OR8G1: variants seen among roughly 807,000 people sequenced by gnomAD.
OR8G1 encodes olfactory receptor 8G1.
For missense variants in OR8G1, 372 were observed against 356.2 expected (o/e 1.04, Z -0.36); for synonymous variants, 129 against 133.3 (o/e 0.97, Z 0.22).
chr11:124,241,462 T>C (rs10893184), intron 1 of OR8G1, 98 bp downstream of exon 1: 56,409 of 151,974 alleles, frequency 0.37, 10,687 homozygotes, highest in East Asian at 0.47. Flanking sequence ...TTATCTTTAC[T>C]TATTCAATTA....
chr11:124,243,801 C>T (rs988470699), intron 1 of OR8G1, among the ~76,000 whole-genome samples: 2 of 151,816 alleles, frequency 1.3e-5, no homozygotes, highest in Admixed American at 1.3e-4. Context: ...AGTATTCGAC[C>T]CCTTGTCTCT....
rs10128751 is a variant in OR8G1 at position 124,241,336 on chromosome 11, A to G, written c.-125A>G. On this transcript the variant is annotated 5_prime_UTR_variant, in exon 1 of 3. Coordinates refer to ENST00000641972, the MANE Select transcript of OR8G1 (RefSeq NM_001002905.2). ...GGAAGAGGAAATTGCAAGTAAAATC[A>G]AGCATTGAAGTTTTTAGGCAGTGGA... 77,208 of 151,502 alleles carry G rather than the reference A, an allele frequency of 0.51. 20,244 individuals are homozygous for G. The highest frequency in any genetic ancestry group is 0.7 in the South Asian group (3,363 of 4,818). 9.4% of individuals were successfully genotyped at this position (151,502 alleles called of 1,614,324 possible).
chr11:124,243,380 A>C (rs1412534995), intron 1 of OR8G1, among the ~76,000 whole-genome samples: 2 of 152,026 alleles, frequency 1.3e-5, no homozygotes, highest in Non-Finnish European at 2.9e-5. Flanking sequence ...ATGAGGACAC[A>C]TAAATAATAG....
chr11:124,250,296 C>A lies in OR8G1; in HGVS notation c.621C>A (p.Ile207=), dbSNP rs889991802. The A allele has an allele frequency of 2.5e-6, 4 of 1,613,790 alleles. No individual in the cohort carries two copies. The highest frequency in any genetic ancestry group is 1.7e-6 in the Non-Finnish European group (2 of 1,179,826). ...TTCTATGTGTTGGTGCATTTAACAT[C>A]CTTGTCCCCAGCCTGACCATCCTTT... ...LLILCVGAFN[I]LVPSLTILCS... Residue 207 remains isoleucine, a synonymous_variant, in exon 3 of 3, where the codon ATC becomes ATA. Coordinates refer to ENST00000641972, the MANE Select transcript of OR8G1 (RefSeq NM_001002905.2).
chr11:124,250,152 T>C lies in OR8G1; in HGVS notation c.477T>C (p.His159=). ...YIIGLVCASV[H]TGCMFRVQFC... The stretch of plus-strand genomic sequence containing the variant: ...TAGGCCTGGTTTGTGCATCAGTTCA[T>C]ACAGGCTGTATGTTTAGGGTTCAAT... The change falls in exon 3 of 3, where the codon CAT becomes CAC. Residue 159 remains histidine (H), a synonymous_variant. Coordinates refer to ENST00000641972, the MANE Select transcript of OR8G1 (RefSeq NM_001002905.2). 1.2e-6 allele frequency: 2 copies of C among 1,613,870 alleles called. No homozygotes were observed. Among genetic ancestry groups the C allele is most frequent in the South Asian group, 1.1e-5 (1 of 91,084 alleles).
At position 124,252,494 on chromosome 11, in the gene OR8G1, ATC is replaced by A. The variant is rs892126417; in HGVS notation, c.*1887_*1888del. 1 of 152,076 alleles carries A rather than the reference ATC, an allele frequency of 6.6e-6. No individual in the cohort carries two copies. The highest frequency in any genetic ancestry group is 6.6e-5 in the Admixed American group (1 of 15,258). 9.4% of individuals were successfully genotyped at this position (152,076 alleles called of 1,614,324 possible). A position where few individuals can be genotyped will look rare whatever the true frequency, so the allele number is the denominator to read the frequency against. On this transcript the variant is annotated 3_prime_UTR_variant, in exon 3 of 3. Transcript: ENST00000641972. Reference sequence around the variant, plus strand: ...CCTTATGTTCTCTTTCAGAAAAACTATCTCTTTTTCTTCTTAGCTTGCATTGC... The same window carrying A: ...CCTTATGTTCTCTTTCAGAAAAACTATCTTTTTCTTCTTAGCTTGCATTGC...
In OR8G1 at chr11:124,250,790, C is replaced by A; in HGVS notation, c.*179C>A. Reference sequence around the variant, plus strand: ...TCATTTCCCATGTGGGGTTTTAACTCATATGTATCAATGAGACACAAATTA... The same window carrying A: ...TCATTTCCCATGTGGGGTTTTAACTAATATGTATCAATGAGACACAAATTA... On this transcript the variant is annotated 3_prime_UTR_variant, in exon 3 of 3. Coordinates refer to ENST00000641972, the MANE Select transcript of OR8G1 (RefSeq NM_001002905.2). 5.2e-5 allele frequency: 16 copies of A among 306,812 alleles called. No individual in the cohort carries two copies. The highest frequency in any genetic ancestry group is 7.6e-5 in the Non-Finnish European group (14 of 183,546). The allele number at this position is 306,812 out of a possible 1,614,324, so 19.0% of individuals were successfully genotyped here.
chr11:124,248,709 C>T (rs1861835672), intron 2 of OR8G1, among the ~76,000 whole-genome samples: 1 of 151,746 alleles, frequency 6.6e-6, no homozygotes, highest in South Asian at 2.1e-4. Flanking sequence ...GTTTTTTGTA[C>T]TTCTTCCTAA....
At chr11:124,247,554 A>G (rs1861823793) in intron 1 of OR8G1, among the ~76,000 whole-genome samples, 1 of 151,942 alleles carries the variant, frequency 6.6e-6, no homozygotes, top group African/African-American at 2.4e-5. Flanking sequence ...CTAGATTGCT[A>G]TACTGGTGAA....
In OR8G1 at chr11:124,251,286, T is replaced by G. The variant is rs1861865486; in HGVS notation, c.*675T>G. On this transcript the variant is annotated 3_prime_UTR_variant, in exon 3 of 3. Coordinates refer to ENST00000641972, the MANE Select transcript of OR8G1 (RefSeq NM_001002905.2). ...CGTCTCCAGCGTCTATCATAGTTCT[T>G]GCCACCTTAGGTCCTTGAAAGCTTT... is the stretch of plus-strand genomic sequence containing the variant. 1 of 114,024 alleles carries G rather than the reference T, an allele frequency of 8.8e-6. No individual in the cohort carries two copies. Among genetic ancestry groups the G allele is most frequent in the Non-Finnish European group, 1.8e-5 (1 of 57,110 alleles). 7.1% of individuals were successfully genotyped at this position (114,024 alleles called of 1,614,324 possible).
chr11:124,243,986 G>A (rs1254832413), intron 1 of OR8G1, among the ~76,000 whole-genome samples: 1 of 151,070 alleles, frequency 6.6e-6, no homozygotes, highest in African/African-American at 2.4e-5. Flanking sequence ...AGGATGGAGA[G>A]AGGGAGAGAG....
In OR8G1 at chr11:124,253,653, A is replaced by AACAG. The variant is rs1186039273; in HGVS notation, c.*3043_*3044insCAGA. ...TTATTACTATAGTTACCATTTATACAATAGTTTTTAACTTATTCCTTCTAT... is the reference window on the plus strand; with the variant it reads ...TTATTACTATAGTTACCATTTATACAACAGATAGTTTTTAACTTATTCCTTCTAT... On this transcript the variant is annotated 3_prime_UTR_variant, in exon 3 of 3. Transcript: ENST00000641972. 3.7e-5 allele frequency: 4 copies of AACAG among 107,276 alleles called. No homozygotes were observed. The highest frequency in any genetic ancestry group is 8.8e-5 in the Non-Finnish European group (4 of 45,642). The allele number at this position is 107,276 out of a possible 1,614,324, so 6.6% of individuals were successfully genotyped here. A position where few individuals can be genotyped will look rare whatever the true frequency, so the allele number is the denominator to read the frequency against.
chr11:124,250,438 G>A lies in OR8G1; in HGVS notation c.763G>A (p.Ala255Thr). 6.2e-7 allele frequency: 1 copy of A among 1,613,772 alleles called. No homozygotes were observed. Among genetic ancestry groups the A allele is most frequent in the Non-Finnish European group, 8.5e-7 (1 of 1,179,806 alleles). The part of the protein sequence containing the change: ...MLAVVIFFGS[A>T]AFMYLQPSSI... The stretch of plus-strand genomic sequence containing the variant: ...GGCGGTTGTAATCTTTTTTGGATCT[G>A]CAGCATTCATGTACTTGCAGCCATC... The change falls in exon 3 of 3, where the codon GCA (alanine) becomes ACA (threonine). Residue 255 changes from alanine to threonine, a missense_variant. By Grantham distance (58) the Ala-to-Thr change is moderately conservative. Transcript: ENST00000641972.
At chr11:124,246,459 C>T (rs1007790097) in intron 1 of OR8G1, among the ~76,000 whole-genome samples, 1 of 151,474 alleles carries the variant, frequency 6.6e-6, no homozygotes, top group Non-Finnish European at 1.5e-5. Context: ...GATATACTAT[C>T]AGAAAAAGGA....
chr11:124,247,299 A>G (rs1283765680), intron 1 of OR8G1, among the ~76,000 whole-genome samples: 1 of 151,886 alleles, frequency 6.6e-6, no homozygotes, highest in Non-Finnish European at 1.5e-5. Flanking sequence ...ATGGAACCAT[A>G]AATTACTGAT....
chr11:124,249,600 A>T (rs893249802), intron 2 of OR8G1, 60 bp from the exon 3 acceptor site: 182 of 1,470,988 alleles, frequency 1.2e-4, no homozygotes, highest in Non-Finnish European at 1.6e-4. Context: ...TCAATGAAGA[A>T]TAATAAAGTC....
At chr11:124,242,378 G>A (rs3109809) in intron 1 of OR8G1, among the ~76,000 whole-genome samples, 77,426 of 151,604 alleles carry the variant, frequency 0.51, 20,375 homozygotes, top group South Asian at 0.7. Flanking sequence ...AGTGTGGAAT[G>A]GTGCTTTCTA....
Position 124,250,408 on chromosome 11 carries a change from A to T in OR8G1, c.733A>T (p.Met245Leu). The T allele has an allele frequency of 1.2e-6, 2 of 1,613,800 alleles. No individual in the cohort carries two copies. The highest frequency in any genetic ancestry group is 1.1e-5 in the South Asian group (1 of 91,084). The change falls in exon 3 of 3, where the codon ATG (methionine) becomes TTG (leucine). Residue 245 changes from methionine to leucine, a missense_variant. By Grantham distance (15) the Met-to-Leu change is conservative (BLOSUM62 2). Coordinates refer to ENST00000641972, the MANE Select transcript of OR8G1 (RefSeq NM_001002905.2). ...SKAFSTCSSH[M>L]LAVVIFFGSA... ...AGCCTTCAGCACTTGTAGCTCCCAC[A>T]TGTTGGCGGTTGTAATCTTTTTTGG...
At chr11:124,245,171 C>A (rs544495652) in intron 1 of OR8G1, among the ~76,000 whole-genome samples, 6 of 134,288 alleles carry the variant, frequency 4.5e-5, no homozygotes, top group African/African-American at 8.0e-5. Context: ...CCCCTCCCCC[C>A]ACCCCACTAC....
Sources: allele counts gnomAD v4.1 joint callset (sites outside exome capture counted in the v4.1 genomes callset), GRCh38; gene constraint gnomAD v4.1.1; transcripts MANE v1.5; gene names NCBI Gene and HGNC (gene_info 2026-07-23, HGNC 2026-07-21).